Variants in LRFN5 observed in about 807,000 individuals in gnomAD.
The protein encoded by LRFN5 is leucine-rich repeat and fibronectin type-III domain-containing protein 5.
A neutral mutation model predicts 45.6 loss-of-function variants in LRFN5; 24 were observed. The observed-to-expected ratio is 0.53, with a 90% CI of 0.38 to 0.74. The LOEUF is 0.74. Ranked by LOEUF, LRFN5 falls within the 30% of genes least tolerant of loss-of-function variation. LRFN5 has a pLI of 0.00. For synonymous variants in LRFN5, 340 were observed against 313.8 expected, an observed-to-expected ratio of 1.08 and a Z score of -0.88; for missense variants, 776 against 861.5, an observed-to-expected ratio of 0.90 and a Z score of 1.24.
At chr14:41,851,710 A>G (rs1454652797) in intron 2 of LRFN5, among the ~76,000 whole-genome samples, 1 of 151,838 alleles carries the variant, frequency 6.6e-6, no homozygotes, top group Non-Finnish European at 1.5e-5. Flanking sequence ...TGGGTGGCTT[A>G]AAGTACCAAA....
intron 2 of LRFN5, among the ~76,000 whole-genome samples, chr14:41,847,495 A>T (rs887017424): frequency 6.6e-6 from 1 of 152,066 alleles, no homozygotes; most frequent in Admixed American, 6.6e-5. Context: ...ATAACTCCTT[A>T]ATACTTCTCA....
intron 5 of LRFN5, among the ~76,000 whole-genome samples, chr14:41,900,337 GTA>G (rs1455792929): frequency 6.6e-6 from 1 of 151,826 alleles, no homozygotes; most frequent in East Asian, 1.9e-4. Context: ...ATGGAATATT[GTA>G]TATTATTTTG....
chr14:41,628,693 C>T (rs1274961815), intron 1 of LRFN5, among the ~76,000 whole-genome samples: 1 of 152,248 alleles, frequency 6.6e-6, no homozygotes, highest in East Asian at 1.9e-4. Flanking sequence ...AGGAGGGAAT[C>T]AGATTCCCAA....
chr14:41,765,111 A>G (rs574574527), intron 1 of LRFN5, among the ~76,000 whole-genome samples: 10 of 151,848 alleles, frequency 6.6e-5, no homozygotes, highest in Admixed American at 5.9e-4. Flanking sequence ...GGAGGCCGAG[A>G]CGGGCGGATC....
chr14:41,675,404 C>G (rs1053528056), intron 1 of LRFN5, among the ~76,000 whole-genome samples: 1 of 152,256 alleles, frequency 6.6e-6, no homozygotes. Flanking sequence ...AGCTGGAGAC[C>G]AGCCCGGCCA....
intron 1 of LRFN5, among the ~76,000 whole-genome samples, chr14:41,673,731 T>G (rs1881387637): frequency 8.2e-6 from 1 of 122,666 alleles, no homozygotes; most frequent in Non-Finnish European, 1.7e-5. Context: ...GCTCCTCACT[T>G]CCCAGTAGGG....
chr14:41,725,666 C>T (rs1478454720), intron 1 of LRFN5, among the ~76,000 whole-genome samples: 3 of 152,098 alleles, frequency 2.0e-5, no homozygotes, highest in African/African-American at 7.2e-5. Flanking sequence ...CTGTAAATTG[C>T]CACATATGTG....
intron 1 of LRFN5, among the ~76,000 whole-genome samples, chr14:41,707,702 C>T (rs1883122749): frequency 6.6e-6 from 1 of 152,022 alleles, no homozygotes; most frequent in Admixed American, 6.6e-5. Flanking sequence ...AACTAGAGCA[C>T]ATTGACGAAT....
intron 1 of LRFN5, among the ~76,000 whole-genome samples, chr14:41,702,308 A>G (rs1882871701): frequency 6.6e-6 from 1 of 152,162 alleles, no homozygotes; most frequent in Admixed American, 6.5e-5. Flanking sequence ...AGCGACATAC[A>G]AGGATGCTGA....
rs376447172 is a variant in LRFN5, at chr14:41,643,343, T to C, written c.-197+34781T>C. Among the ~76,000 whole-genome samples, 294 of 152,236 alleles carry C rather than the reference T, an allele frequency of 1.9e-3. 11 individuals carry two copies. The South Asian group carries it at 0.059, about 31-fold the overall frequency. ...CAATGGAATGTTGAATACATATTAG[T>C]GCAATTAAAGTTTTATATTTTTACA... On this transcript the variant is annotated intron_variant, in intron 1 of 5. Coordinates refer to ENST00000298119, the MANE Select transcript of LRFN5 (RefSeq NM_152447.5).
At position 41,732,738 on chromosome 14, in the gene LRFN5, G is replaced by GA. The variant is rs201200327; in HGVS notation, c.-196-34108dup. ...AACAAGAAAAGATGAGATAGTTCAA[G>GA]AAAAAAAATTAACCAACAGAATTTC... On this transcript the variant is annotated intron_variant, in intron 1 of 5. Coordinates refer to ENST00000298119, the MANE Select transcript of LRFN5 (RefSeq NM_152447.5). Among the ~76,000 whole-genome samples, 126 of 147,600 alleles carry GA rather than the reference G, an allele frequency of 8.5e-4. 1 individual carries two copies. Among genetic ancestry groups the GA allele is most frequent in the African/African-American group, 1.9e-3 (77 of 40,026 alleles).
intron 2 of LRFN5, among the ~76,000 whole-genome samples, chr14:41,780,436 C>G (rs1013612306): frequency 6.6e-6 from 1 of 152,074 alleles, no homozygotes; most frequent in Non-Finnish European, 1.5e-5. Flanking sequence ...AAATGTTCCT[C>G]TCTATCCCTA....
At chr14:41,813,332 G>A (rs1887802688) in intron 2 of LRFN5, among the ~76,000 whole-genome samples, 2 of 151,952 alleles carry the variant, frequency 1.3e-5, no homozygotes, top group African/African-American at 4.8e-5. Context: ...TTCTCCTAAT[G>A]GTATCCTTCC....
Position 41,890,536 on chromosome 14 carries a change from C to T in LRFN5, c.1386-714C>T, listed in dbSNP as rs546269372. 4.2e-4 allele frequency among the ~76,000 whole-genome samples: 63 copies of T among 151,308 alleles called. No individual in the cohort carries two copies. The East Asian group carries it at 7.2e-3, about 17-fold the overall frequency. ...TCCTGGCTAACACAGTGAAACCCCG[C>T]CTCTACTAAAAATACAAAAAATTAG... is the stretch of plus-strand genomic sequence containing the variant. On this transcript the variant is annotated intron_variant, in intron 3 of 5. Transcript: ENST00000298119.
chr14:41,829,947 A>G (rs1443178894), intron 2 of LRFN5, among the ~76,000 whole-genome samples: 1 of 150,984 alleles, frequency 6.6e-6, no homozygotes, highest in Non-Finnish European at 1.5e-5. Flanking sequence ...AGAGCTTTGG[A>G]TTTATCTCTA....
intron 2 of LRFN5, among the ~76,000 whole-genome samples, chr14:41,776,417 G>C (rs1886294833): frequency 6.6e-6 from 1 of 152,056 alleles, no homozygotes; most frequent in African/African-American, 2.4e-5. Context: ...TATTTGGTGT[G>C]GGTTTATGGG....
At chr14:41,893,107 A>G in intron 4 of LRFN5, 1 of 984,874 alleles carries the variant, frequency 1.0e-6, no homozygotes, top group Non-Finnish European at 1.2e-6. Flanking sequence ...TTGCATTTGA[A>G]TGTTTTCCTT....
chr14:41,640,852 G>A (rs1879542653), intron 1 of LRFN5, among the ~76,000 whole-genome samples: 1 of 151,984 alleles, frequency 6.6e-6, no homozygotes, highest in South Asian at 2.1e-4. Flanking sequence ...ATGCTTCTGG[G>A]ATTCTCTATC....
intron 1 of LRFN5, among the ~76,000 whole-genome samples, chr14:41,744,340 C>T (rs1272912521): frequency 6.6e-6 from 1 of 151,624 alleles, no homozygotes; most frequent in African/African-American, 2.4e-5. Flanking sequence ...CCCGGGTGAC[C>T]GAATGAGGCC....
Sources: gnomAD v4.1 joint callset for allele counts (sites outside exome capture counted in the v4.1 genomes callset) on GRCh38, gnomAD v4.1.1 for gene constraint, MANE v1.5 for transcripts, NCBI Gene and HGNC (gene_info 2026-07-23, HGNC 2026-07-21) for gene names.